AKAP6: variants seen among roughly 807,000 people sequenced by gnomAD.
AKAP6 encodes A-kinase anchor protein 6.
A neutral mutation model predicts 188.5 loss-of-function variants in AKAP6; 58 were observed. That is an observed-to-expected ratio of 0.31 (90% CI 0.25 to 0.38). AKAP6 has a LOEUF of 0.38. AKAP6 is among the 10% of genes least tolerant of loss of function. The pLI is 1.00. For synonymous variants in AKAP6, 989 were observed against 998.6 expected, an observed-to-expected ratio of 0.99 and a Z score of 0.18; for missense variants, 2,710 against 2,740.0, an observed-to-expected ratio of 0.99 and a Z score of 0.24.
intron 1 of AKAP6, among the ~76,000 whole-genome samples, chr14:32,421,638 T>C (rs1449017177): frequency 6.6e-6 from 1 of 152,202 alleles, no homozygotes; most frequent in Non-Finnish European, 1.5e-5. Flanking sequence ...GACTCTGTTA[T>C]ACAAATTGGA....
intron 2 of AKAP6, among the ~76,000 whole-genome samples, chr14:32,526,553 T>C (rs1320519150): frequency 2.0e-5 from 3 of 152,140 alleles, no homozygotes; most frequent in Non-Finnish European, 2.9e-5. Context: ...ATACTTTTTG[T>C]ATCTTTTGTA....
rs1884749655 is a variant in AKAP6 at position 32,577,008 on chromosome 14, A to G, written c.2347-112A>G. 2.4e-6 allele frequency: 3 copies of G among 1,235,764 alleles called. 1 individual carries two copies. The highest frequency in any genetic ancestry group is 3.3e-6 in the Non-Finnish European group (3 of 901,082). 76.5% of individuals were successfully genotyped at this position (1,235,764 alleles called of 1,614,324 possible). ...GAAACTAGGATAGGAGTGCGGTGGG[A>G]TCGATTTGATCATGGATAAAATTTG... On this transcript the variant is annotated intron_variant, in intron 4 of 13. Coordinates refer to ENST00000280979, the MANE Select transcript of AKAP6 (RefSeq NM_004274.5).
chr14:32,521,691 C>A (rs568005418), intron 2 of AKAP6, among the ~76,000 whole-genome samples: 2 of 152,228 alleles, frequency 1.3e-5, no homozygotes, highest in South Asian at 2.1e-4. Context: ...TAAAAGAAGA[C>A]ACAAACAAAT....
At chr14:32,413,499 C>T (rs1186418380) in intron 1 of AKAP6, among the ~76,000 whole-genome samples, 1 of 152,092 alleles carries the variant, frequency 6.6e-6, no homozygotes, top group Non-Finnish European at 1.5e-5. Flanking sequence ...ATTCTTAAAT[C>T]CTTGTGATAT....
chr14:32,557,417 A>G (rs1383240878), intron 4 of AKAP6, among the ~76,000 whole-genome samples: 3 of 152,232 alleles, frequency 2.0e-5, no homozygotes, highest in African/African-American at 7.2e-5. Context: ...CTCTTTTAAA[A>G]AAAGTCCTGT....
chr14:32,700,906 C>T (rs114679786), intron 9 of AKAP6, among the ~76,000 whole-genome samples: 165 of 152,246 alleles, frequency 1.1e-3, no homozygotes, highest in African/African-American at 3.9e-3. Flanking sequence ...ATGATTTGTA[C>T]ATGATTTATA....
At chr14:32,681,124 G>A (rs1180719718) in intron 8 of AKAP6, among the ~76,000 whole-genome samples, 1 of 152,208 alleles carries the variant, frequency 6.6e-6, no homozygotes, top group Non-Finnish European at 1.5e-5. Context: ...GGCCTACTAT[G>A]TGCATGGCAT....
chr14:32,534,876 A>C (rs1003213596), intron 2 of AKAP6, among the ~76,000 whole-genome samples: 4 of 151,636 alleles, frequency 2.6e-5, no homozygotes, highest in Admixed American at 1.3e-4. Flanking sequence ...GAGGCAGGAG[A>C]ATTGCTTGAA....
chr14:32,400,992 T>C (rs953462150), intron 1 of AKAP6, among the ~76,000 whole-genome samples: 1 of 152,160 alleles, frequency 6.6e-6, no homozygotes, highest in African/African-American at 2.4e-5. Context: ...GGAAGTCTGC[T>C]GGGGGCTTCC....
At chr14:32,809,671 C>T (rs899115182) in intron 12 of AKAP6, among the ~76,000 whole-genome samples, 5 of 151,898 alleles carry the variant, frequency 3.3e-5, no homozygotes, top group South Asian at 2.1e-4. Context: ...TACTAAATAA[C>T]GAAGGAAAAT....
chr14:32,549,691 A>G (rs561886736), intron 4 of AKAP6, among the ~76,000 whole-genome samples: 2 of 152,324 alleles, frequency 1.3e-5, no homozygotes, highest in African/African-American at 4.8e-5. Context: ...TACGTGGCTT[A>G]CCCTACTTAA....
chr14:32,702,397 A>AT (rs1202204225), intron 9 of AKAP6, among the ~76,000 whole-genome samples: 1 of 150,630 alleles, frequency 6.6e-6, no homozygotes, highest in African/African-American at 2.4e-5. Context: ...ACTTGAATAT[A>AT]TTTTTTTTCC....
chr14:32,686,393 G>T (rs1246374300), intron 8 of AKAP6, among the ~76,000 whole-genome samples: 1 of 152,008 alleles, frequency 6.6e-6, no homozygotes, highest in Non-Finnish European at 1.5e-5. Flanking sequence ...CAACAGGGGG[G>T]CTATAGTCAA....
chr14:32,509,502 G>A (rs1881063013), intron 2 of AKAP6, among the ~76,000 whole-genome samples: 1 of 151,744 alleles, frequency 6.6e-6, no homozygotes, highest in African/African-American at 2.4e-5. Flanking sequence ...ACTTTTTTTT[G>A]TAAGGAACTC....
chr14:32,718,624 T>C (rs2030359585), intron 9 of AKAP6, among the ~76,000 whole-genome samples: 1 of 152,218 alleles, frequency 6.6e-6, no homozygotes, highest in Non-Finnish European at 1.5e-5. Flanking sequence ...TTTTCTTGTG[T>C]TAACCGTTCA....
rs1594706861 is a variant in AKAP6, at chr14:32,523,161, A to G, written c.325-12393A>G. On this transcript the variant is annotated intron_variant, in intron 2 of 13. Coordinates refer to ENST00000280979, the MANE Select transcript of AKAP6 (RefSeq NM_004274.5). ...TTGGACACAGGGTGGGGAACATCAC[A>G]CACCGGGGCCTGTCTTGGGGTGGGG... Among the ~76,000 whole-genome samples, 5 of 135,584 alleles carry G rather than the reference A, an allele frequency of 3.7e-5. No individual in the cohort carries two copies. In the East Asian group the frequency reaches 7.9e-4, roughly 21 times the overall value. The allele number at this position is 135,584 out of a possible 152,430, so 88.9% of individuals were successfully genotyped here.
At chr14:32,494,097 C>A (rs1183189919) in intron 2 of AKAP6, among the ~76,000 whole-genome samples, 1 of 152,274 alleles carries the variant, frequency 6.6e-6, no homozygotes, top group African/African-American at 2.4e-5. Flanking sequence ...TATCCATTCA[C>A]GACAGATTAA....
chr14:32,366,853 C>T (rs547319612), intron 1 of AKAP6, among the ~76,000 whole-genome samples: 2 of 152,232 alleles, frequency 1.3e-5, no homozygotes, highest in African/African-American at 2.4e-5. Flanking sequence ...TTGTCCCCCT[C>T]AGAGAAAGAC....
intron 2 of AKAP6, among the ~76,000 whole-genome samples, chr14:32,530,232 G>T (rs896164262): frequency 1.3e-5 from 2 of 152,014 alleles, no homozygotes; most frequent in East Asian, 3.9e-4. Context: ...CTCCTGTGTT[G>T]CCCAGGCTGG....
Sources: allele counts gnomAD v4.1 joint callset (sites outside exome capture counted in the v4.1 genomes callset), GRCh38; gene constraint gnomAD v4.1.1; transcripts MANE v1.5; gene names NCBI Gene and HGNC (gene_info 2026-07-23, HGNC 2026-07-21).